Variants in PSD observed in about 807,000 individuals in gnomAD.
PSD encodes the protein PH and SEC7 domain-containing protein 1.
In PSD, 32 loss-of-function variants were observed where a neutral mutation model predicts 91.6. The observed-to-expected ratio is 0.35, with a 90% CI of 0.26 to 0.47. The LOEUF (loss-of-function observed/expected upper bound fraction) is 0.47. Among genes scored for constraint, PSD ranks in the 20% least tolerant of loss-of-function variants. The pLI, the probability that PSD is intolerant of heterozygous loss-of-function variation, is 1.00. For missense variants in PSD, 1,099 were observed against 1,373.9 expected (o/e 0.80, Z 3.16); for synonymous variants, 532 against 569.3 (o/e 0.93, Z 0.93).
At chr10:102,406,645 C>T (rs1413321830) in intron 11 of PSD, among the ~76,000 whole-genome samples, 2 of 152,088 alleles carry the variant, frequency 1.3e-5, no homozygotes, top group Non-Finnish European at 2.9e-5. Flanking sequence ...GTAGCTGAGA[C>T]TACAGGTGCG....
chr10:102,416,558 C>A lies in PSD; in HGVS notation c.481G>T (p.Ala161Ser), dbSNP rs371282553. The A allele has an allele frequency of 3.7e-6, 6 of 1,603,866 alleles. No individual in the cohort carries two copies. The highest frequency in any genetic ancestry group is 1.7e-5 in the Admixed American group (1 of 58,962). ...CCAGGTAGGGCCGAGCCTCCTCTGG[C>A]GGGGAGTGGGTCTGATGTGGATGCT... Reference protein sequence around the residue: ...LEASTSDPLPARGGSALPGSR... With the variant: ...LEASTSDPLPSRGGSALPGSR... The change falls in exon 2 of 17, where the codon GCC (alanine) becomes TCC (serine). Residue 161 changes from alanine to serine, a missense_variant. By Grantham distance (99) the Ala-to-Ser change is moderately conservative. Transcript: ENST00000020673. This position sits in a 1 kb window ranked among gnomAD's most constrained non-coding sequence, Gnocchi z 6.0.
chr10:102,409,544 T>C lies in PSD; in HGVS notation c.2091+1314A>G, dbSNP rs1589886707. On this transcript the variant is annotated intron_variant, in intron 10 of 16. Coordinates refer to ENST00000020673, the MANE Select transcript of PSD (RefSeq NM_002779.5). The surrounding 1 kb of genome is among the most constrained non-coding windows in gnomAD (Gnocchi z 5.7). ...GGTTGGGGTGGTGGGAGGGGAGAGGTCGGACCGCTTCCCTGCAGCCCTTTT... is the reference window on the plus strand; with the variant it reads ...GGTTGGGGTGGTGGGAGGGGAGAGGCCGGACCGCTTCCCTGCAGCCCTTTT... Among the ~76,000 whole-genome samples, 1 of 150,794 alleles carries C rather than the reference T, an allele frequency of 6.6e-6. No homozygotes were observed. The highest frequency in any genetic ancestry group is 2.4e-5 in the African/African-American group (1 of 40,924).
Position 102,404,618 on chromosome 10 carries a change from G to A in PSD, c.2665C>T (p.Pro889Ser), listed in dbSNP as rs2061338687. Residue 889 changes from proline to serine, a missense_variant, in exon 15 of 17, where the codon CCT becomes TCT. Coordinates refer to ENST00000020673, the MANE Select transcript of PSD (RefSeq NM_002779.5). This position sits in a 1 kb window ranked among gnomAD's most constrained non-coding sequence, Gnocchi z 5.7. ...CGGGTGGCAGCGCTGGGCAGGAGAG[G>A]GCGGCTGAACTTCTTTTGGGAGCTA... is the stretch of plus-strand genomic sequence containing the variant. ...AVSSQKKFSR[P>S]LLPSAATRLS... The A allele has an allele frequency of 6.2e-7, 1 of 1,612,022 alleles. No individual in the cohort carries two copies. Among genetic ancestry groups the A allele is most frequent in the South Asian group, 1.1e-5 (1 of 90,806 alleles).
rs1195513682 is a variant in PSD, at chr10:102,403,170, C to T, written c.*30G>A. On this transcript the variant is annotated 3_prime_UTR_variant, in exon 17 of 17. Coordinates refer to ENST00000020673, the MANE Select transcript of PSD (RefSeq NM_002779.5). The surrounding 1 kb of genome is among the most constrained non-coding windows in gnomAD (Gnocchi z 6.7). The stretch of plus-strand genomic sequence containing the variant: ...AGGGCCATGTCATCCTTCAGGTGCC[C>T]AGCAGGCACTCCCCACCCTAAACCT... 6.9e-7 allele frequency: 1 copy of T among 1,450,654 alleles called. No individual in the cohort carries two copies. Among genetic ancestry groups the T allele is most frequent in the East Asian group, 2.5e-5 (1 of 39,406 alleles). The allele number at this position is 1,450,654 out of a possible 1,614,324, so 89.9% of individuals were successfully genotyped here. A position where few individuals can be genotyped will look rare whatever the true frequency, so the allele number is the denominator to read the frequency against.
In PSD at chr10:102,405,643, G is replaced by C. The variant is rs945246277; in HGVS notation, c.2136-107C>G. ...AAGCTCCCCCAGTGTTTGTGGCTTG[G>C]GGGGCTCAACCTGAGGGTCCTGCCA... is the stretch of plus-strand genomic sequence containing the variant. On this transcript the variant is annotated intron_variant, in intron 11 of 16. Coordinates refer to ENST00000020673, the MANE Select transcript of PSD (RefSeq NM_002779.5). The surrounding 1 kb of genome is among the most constrained non-coding windows in gnomAD (Gnocchi z 5.4). 6.3e-6 allele frequency: 7 copies of C among 1,102,458 alleles called. No individual in the cohort carries two copies. The highest frequency in any genetic ancestry group is 6.3e-5 in the African/African-American group (4 of 63,430). 68.3% of individuals were successfully genotyped at this position (1,102,458 alleles called of 1,614,324 possible).
rs536961571 is a variant in PSD, at chr10:102,405,626, C to G, written c.2136-90G>C. On this transcript the variant is annotated intron_variant, in intron 11 of 16. Coordinates refer to ENST00000020673, the MANE Select transcript of PSD (RefSeq NM_002779.5). The surrounding 1 kb of genome is among the most constrained non-coding windows in gnomAD (Gnocchi z 5.4). ...CTCTGCTCGCCCTGGAAAAGCTCCC[C>G]CAGTGTTTGTGGCTTGGGGGGCTCA... 7.6e-7 allele frequency: 1 copy of G among 1,310,306 alleles called. No homozygotes were observed. The highest frequency in any genetic ancestry group is 2.5e-5 in the East Asian group (1 of 39,666). The allele number at this position is 1,310,306 out of a possible 1,614,324, so 81.2% of individuals were successfully genotyped here.
In PSD at chr10:102,405,049, A is replaced by T; in HGVS notation, c.2404T>A (p.Tyr802Asn). 1.2e-6 allele frequency: 2 copies of T among 1,613,168 alleles called. No homozygotes were observed. The highest frequency in any genetic ancestry group is 1.7e-6 in the Non-Finnish European group (2 of 1,179,696). ...TCTGAAAGGGCCTTCCCAGGCTTGT[A>T]CTCCTCCTGCAGGGGTGTCCATCTT... Reference protein sequence around the residue: ...GMILYLQKEEYKPGKALSETE... With the variant: ...GMILYLQKEENKPGKALSETE... The change falls in exon 14 of 17, where the codon TAC (tyrosine) becomes AAC (asparagine). Residue 802 changes from tyrosine (Y) to asparagine (N), a missense_variant. Coordinates refer to ENST00000020673, the MANE Select transcript of PSD (RefSeq NM_002779.5). The surrounding 1 kb of genome is among the most constrained non-coding windows in gnomAD (Gnocchi z 5.4).
Position 102,405,322 on chromosome 10 carries a change from G to GC in PSD, c.2326+23dup, listed in dbSNP as rs756731421. The GC allele has an allele frequency of 1.4e-5, 22 of 1,607,304 alleles. No homozygotes were observed. Among genetic ancestry groups the GC allele is most frequent in the Non-Finnish European group, 1.2e-5 (14 of 1,178,104 alleles). On this transcript the variant is annotated intron_variant, in intron 12 of 16. Transcript: ENST00000020673. The surrounding 1 kb of genome is among the most constrained non-coding windows in gnomAD (Gnocchi z 5.4). ...ACTCCCATCCATCCCCTAGACGCCC[G>GC]CCCCCCGCAACTCGGCCACATACTC...
chr10:102,405,280 G>A lies in PSD; in HGVS notation c.2327-27C>T. On this transcript the variant is annotated intron_variant, in intron 12 of 16. Coordinates refer to ENST00000020673, the MANE Select transcript of PSD (RefSeq NM_002779.5). This position sits in a 1 kb window ranked among gnomAD's most constrained non-coding sequence, Gnocchi z 5.4. The stretch of plus-strand genomic sequence containing the variant: ...TGCGGGGAGAGAAGACAGGTCAGGG[G>A]GCCCTGGAACAGGCCCACTCCCATC... 6.2e-7 allele frequency: 1 copy of A among 1,609,810 alleles called. No individual in the cohort carries two copies. The highest frequency in any genetic ancestry group is 1.1e-5 in the South Asian group (1 of 91,088).
Position 102,409,473 on chromosome 10 carries a change from G to A in PSD, c.2091+1385C>T, listed in dbSNP as rs1416079190. ...GCACCGCTAGGCCTGGGGCTGTGAC[G>A]CTGGGCGGACCCGGCAGGGTCTGGA... On this transcript the variant is annotated intron_variant, in intron 10 of 16. Coordinates refer to ENST00000020673, the MANE Select transcript of PSD (RefSeq NM_002779.5). This position sits in a 1 kb window ranked among gnomAD's most constrained non-coding sequence, Gnocchi z 5.7. Among the ~76,000 whole-genome samples, 1 of 152,168 alleles carries A rather than the reference G, an allele frequency of 6.6e-6. No homozygotes were observed. The highest frequency in any genetic ancestry group is 2.4e-5 in the African/African-American group (1 of 41,440).
chr10:102,418,756 T>A lies in PSD; in HGVS notation c.-139A>T, dbSNP rs769780496. On this transcript the variant is annotated 5_prime_UTR_variant, in exon 1 of 17. Transcript: ENST00000020673. ...AGACAGAGGAGAGGCTGGGCCCAGC[T>A]GAGCTGTGAAGGCAGCGCGGCTCCC... is the stretch of plus-strand genomic sequence containing the variant. 1.1e-5 allele frequency: 5 copies of A among 455,724 alleles called. No individual in the cohort carries two copies. The highest frequency in any genetic ancestry group is 7.7e-5 in the South Asian group (5 of 64,558). The allele number at this position is 455,724 out of a possible 1,614,324, so 28.2% of individuals were successfully genotyped here. A position where few individuals can be genotyped will look rare whatever the true frequency, so the allele number is the denominator to read the frequency against.
rs183886528 is a variant in PSD at position 102,415,513 on chromosome 10, C to T, written c.758-284G>A. On this transcript the variant is annotated intron_variant, in intron 3 of 16. Coordinates refer to ENST00000020673, the MANE Select transcript of PSD (RefSeq NM_002779.5). ...TTTGAGACAGGGTCTCACTGTGTCA[C>T]TGAGGCTGAAGTGCAGTGGTGCAAT... Among the ~76,000 whole-genome samples the T allele has an allele frequency of 4.6e-5, 7 of 152,282 alleles. No homozygotes were observed. The East Asian group carries it at 1.4e-3, about 29-fold the overall frequency.
At chr10:102,419,507 T>C (rs1011696102), upstream of PSD, 1 of 153,216 alleles carries the variant, frequency 6.5e-6, no homozygotes, top group African/African-American at 2.4e-5. The surrounding 1 kb of genome is among the most constrained non-coding windows in gnomAD (Gnocchi z 4.8). Context: ...GGCCCTGCTA[T>C]TTTAAGAAAG....
At chr10:102,412,813 G>A (rs2061437437) in intron 5 of PSD, among the ~76,000 whole-genome samples, 1 of 152,152 alleles carries the variant, frequency 6.6e-6, no homozygotes, top group Admixed American at 6.5e-5. Flanking sequence ...TGCTGCTGTG[G>A]GAGTTCTGGC....
At chr10:102,413,660 CA>C in intron 5 of PSD, 108 bp downstream of exon 5, 2 of 1,147,710 alleles carry the variant, frequency 1.7e-6, no homozygotes, top group East Asian at 2.4e-5. Flanking sequence ...CACCCCTACT[CA>C]GGGGTCAGGA....
chr10:102,417,264 A>ATATTAC, intron 1 of PSD, 143 bp from the exon 2 acceptor site: 1 of 536,710 alleles, frequency 1.9e-6, no homozygotes, highest in Non-Finnish European at 3.3e-6. Flanking sequence ...CATTGATCCC[A>ATATTAC]CGCCTGGGGA....
rs2135458984 is a variant in PSD, at chr10:102,414,099, G to T, written c.1223C>A (p.Ala408Asp). ...GPDSFSCVFE[A>D]ILESHRAKGT... ...TTTGGCCCGGTGTGACTCCAGGATG[G>T]CTTCGAACACACAACTGAAAGAGTC... Residue 408 changes from alanine (A) to aspartate (D), a missense_variant, in exon 5 of 17, where the codon GCC becomes GAC. Physicochemically the swap from Ala to Asp is moderately radical, Grantham distance 126. Transcript: ENST00000020673. The surrounding 1 kb of genome is among the most constrained non-coding windows in gnomAD (Gnocchi z 5.6). 6.2e-7 allele frequency: 1 copy of T among 1,614,120 alleles called. No individual in the cohort carries two copies. The highest frequency in any genetic ancestry group is 2.2e-5 in the East Asian group (1 of 44,874).
rs1317087492 is a variant in PSD at position 102,403,507 on chromosome 10, C to T, written c.2845-77G>A. 122 of 1,379,944 alleles carry T rather than the reference C, an allele frequency of 8.8e-5. No homozygotes were observed. The highest frequency in any genetic ancestry group is 2.6e-5 in the Non-Finnish European group (27 of 1,022,630). 85.5% of individuals were successfully genotyped at this position (1,379,944 alleles called of 1,614,324 possible). On this transcript the variant is annotated intron_variant, in intron 16 of 16. Coordinates refer to ENST00000020673, the MANE Select transcript of PSD (RefSeq NM_002779.5). This position sits in a 1 kb window ranked among gnomAD's most constrained non-coding sequence, Gnocchi z 6.7. Reference sequence around the variant, plus strand: ...CCCCACCATCTGGACCAGGGAGGGCCGCCAGCAGGGCAGAAGATGGCAGGT... The same window carrying T: ...CCCCACCATCTGGACCAGGGAGGGCTGCCAGCAGGGCAGAAGATGGCAGGT...
intron 5 of PSD, among the ~76,000 whole-genome samples, chr10:102,413,167 C>T (rs140611502): frequency 1.2e-4 from 18 of 152,262 alleles, no homozygotes; most frequent in African/African-American, 3.6e-4. Flanking sequence ...CTGCTCTACT[C>T]GCAAAGCCAC....
Sources: allele counts gnomAD v4.1 joint callset (sites outside exome capture counted in the v4.1 genomes callset), GRCh38; gene constraint gnomAD v4.1.1; non-coding constraint Gnocchi (gnomAD v3.1); transcripts MANE v1.5; gene names NCBI Gene and HGNC (gene_info 2026-07-23, HGNC 2026-07-21).